MGAM2: variants seen among roughly 807,000 people sequenced by gnomAD.
The protein encoded by MGAM2 is probable maltase-glucoamylase 2.
MGAM2 carries 98 observed loss-of-function variants against 96.1 expected under a neutral mutation model. The observed-to-expected ratio is 1.02, with a 90% CI of 0.87 to 1.21. MGAM2 has a LOEUF of 1.21. Ranked by LOEUF, MGAM2 falls within the 50% of genes most tolerant of loss-of-function variation. MGAM2 has a pLI of 0.00. For synonymous variants in MGAM2, 749 were observed against 414.8 expected (o/e 1.81, Z -9.79); for missense variants, 2,055 against 1,182.4 (o/e 1.74, Z -10.82).
rs543638912 is a variant in MGAM2 at position 142,176,755 on chromosome 7, T to C, written c.3816+975T>C. Among the ~76,000 whole-genome samples, 27 of 152,292 alleles carry C rather than the reference T, an allele frequency of 1.8e-4. 1 individual carries two copies. In the South Asian group the frequency reaches 4.4e-3, roughly 25 times the overall value. ...TTGCTATTATACTCTGGAAACATGATAAATTGGCTCTCTCTGCTTGAGGAT... is the reference window on the plus strand; with the variant it reads ...TTGCTATTATACTCTGGAAACATGACAAATTGGCTCTCTCTGCTTGAGGAT... On this transcript the variant is annotated intron_variant, in intron 32 of 47. Coordinates refer to ENST00000477922, the MANE Select transcript of MGAM2 (RefSeq NM_001293626.2).
chr7:142,166,380 A>G (rs753536156), intron 25 of MGAM2, 127 bp downstream of exon 25: 8 of 546,786 alleles, frequency 1.5e-5, no homozygotes, highest in African/African-American at 1.3e-4. Flanking sequence ...CCAACTCTAC[A>G]TGATAGGTCA....
intron 37 of MGAM2, among the ~76,000 whole-genome samples, chr7:142,190,946 G>A (rs73158472): frequency 0.018 from 2,737 of 151,934 alleles, 40 homozygotes; most frequent in Non-Finnish European, 0.029. Context: ...GGCAGCTTGG[G>A]CAACATAATG....
At chr7:142,164,302 CTG>C (rs1251838543) in intron 23 of MGAM2, among the ~76,000 whole-genome samples, 3 of 152,164 alleles carry the variant, frequency 2.0e-5, no homozygotes, top group African/African-American at 7.2e-5. Flanking sequence ...ATTTAATTTT[CTG>C]TGTTTCAGTC....
chr7:142,158,312 A>C lies in MGAM2; in HGVS notation c.2143A>C (p.Ile715Leu). Reference sequence around the variant, plus strand: ...GTTCTTATGGGGACCTGGACTCCTCATCACGCCTGTTTTATATGAAGTATG... The same window carrying C: ...GTTCTTATGGGGACCTGGACTCCTCCTCACGCCTGTTTTATATGAAGTATG... ...EQFLWGPGLL[I>L]TPVLYEGVDE... Residue 715 changes from isoleucine (I) to leucine (L), a missense_variant, in exon 19 of 48, where the codon ATC (isoleucine) becomes CTC (leucine). Transcript: ENST00000477922. 3 of 702,988 alleles carry C rather than the reference A, an allele frequency of 4.3e-6. No individual in the cohort carries two copies. The South Asian group carries it at 4.4e-5, about 10-fold the overall frequency. The allele number at this position is 702,988 out of a possible 1,614,324, so 43.5% of individuals were successfully genotyped here.
At chr7:142,161,321 C>T (rs1795882420) in intron 22 of MGAM2, 108 bp downstream of exon 22, 2 of 556,486 alleles carry the variant, frequency 3.6e-6, no homozygotes, top group South Asian at 4.9e-5. Flanking sequence ...CTGTCGTTTA[C>T]ATCTGTAGCT....
rs777330007 is a variant in MGAM2, at chr7:142,221,076, A to G, written c.6565A>G (p.Thr2189Ala). Residue 2189 changes from threonine to alanine, a missense_variant, in exon 48 of 48, where the codon ACT (threonine) becomes GCT (alanine). Coordinates refer to ENST00000477922, the MANE Select transcript of MGAM2 (RefSeq NM_001293626.2). ...PVTAIPSLAN[T>A]GVDTTSNSFS... ...TACAGCTATTCCTTCTCTTGCAAATACTGGTGTTGACACTACTAGCAACAG... is the reference window on the plus strand; with the variant it reads ...TACAGCTATTCCTTCTCTTGCAAATGCTGGTGTTGACACTACTAGCAACAG... 1.4e-6 allele frequency: 1 copy of G among 702,556 alleles called. No homozygotes were observed. Among genetic ancestry groups the G allele is most frequent in the South Asian group, 1.5e-5 (1 of 67,582 alleles). 43.5% of individuals were successfully genotyped at this position (702,556 alleles called of 1,614,324 possible). A position where few individuals can be genotyped will look rare whatever the true frequency, so the allele number is the denominator to read the frequency against.
chr7:142,131,446 AC>A, intron 4 of MGAM2, 71 bp from the exon 5 acceptor site: 1 of 675,946 alleles, frequency 1.5e-6, no homozygotes. Context: ...CAAAACAAAA[AC>A]AAAAACAAAA....
intron 8 of MGAM2, among the ~76,000 whole-genome samples, chr7:142,137,224 A>C (rs558663798): frequency 2.0e-5 from 3 of 152,218 alleles, no homozygotes; most frequent in East Asian, 3.9e-4. Context: ...CTTAAAAAAA[A>C]AAAAACAAAA....
chr7:142,121,230 G>A (rs973952069), intron 3 of MGAM2, among the ~76,000 whole-genome samples: 5 of 152,006 alleles, frequency 3.3e-5, no homozygotes, highest in Non-Finnish European at 7.4e-5. Context: ...TGGCTGGAGT[G>A]CAGTGGCGCG....
At chr7:142,129,825 CAAAAAAAAAAAAAAAAAAAAAAAAAA>C (rs71166564) in intron 3 of MGAM2, among the ~76,000 whole-genome samples, 7 of 33,404 alleles carry the variant, frequency 2.1e-4, no homozygotes, top group African/African-American at 4.3e-4. Context: ...AACTCTGTCT[CAAAAAAAAAAAAAAAAAAAAAAAAAA>C]AAAAAAAAAA....
At chr7:142,134,197 C>A in intron 7 of MGAM2, 45 bp downstream of exon 7, 2 of 683,134 alleles carry the variant, frequency 2.9e-6, no homozygotes, top group South Asian at 3.1e-5. Flanking sequence ...TAAGGGATAC[C>A]CTCCTTCCTT....
rs139311007 is a variant in MGAM2, at chr7:142,161,943, T to C, written c.2435-12T>C. ...CTTCCCATAGTAACCGGTACTCCTC[T>C]TTCTTTTTTAGATGCTGTGACTGAA... On this transcript the variant is annotated splice_polypyrimidine_tract_variant and intron_variant, in intron 22 of 47. Transcript: ENST00000477922. 2.9e-5 allele frequency: 20 copies of C among 692,446 alleles called. No individual in the cohort carries two copies. Among genetic ancestry groups the C allele is most frequent in the Non-Finnish European group, 5.0e-5 (19 of 381,168 alleles). 42.9% of individuals were successfully genotyped at this position (692,446 alleles called of 1,614,324 possible). A position where few individuals can be genotyped will look rare whatever the true frequency, so the allele number is the denominator to read the frequency against.
chr7:142,195,143 T>C (rs1264904953), intron 37 of MGAM2, among the ~76,000 whole-genome samples: 5 of 152,164 alleles, frequency 3.3e-5, no homozygotes, highest in South Asian at 2.1e-4. Flanking sequence ...ATTCTTTTTT[T>C]CCCTCTTCCC....
Position 142,144,614 on chromosome 7 carries a change from A to G in MGAM2, c.1432-247A>G, listed in dbSNP as rs73545362. The stretch of plus-strand genomic sequence containing the variant: ...AATTAGCTGATTGAAATCAATTTAT[A>G]AAAAGTAAAAATGTGCCCACTGTCA... On this transcript the variant is annotated intron_variant, in intron 13 of 47. Coordinates refer to ENST00000477922, the MANE Select transcript of MGAM2 (RefSeq NM_001293626.2). Among the ~76,000 whole-genome samples, 1,123 of 152,320 alleles carry G rather than the reference A, an allele frequency of 7.4e-3. 14 individuals are homozygous for G. The highest frequency in any genetic ancestry group is 0.022 in the African/African-American group (919 of 41,562).
At chr7:142,208,759 G>A (rs1797487843) in intron 46 of MGAM2, 137 bp downstream of exon 46, 1 of 567,700 alleles carries the variant, frequency 1.8e-6, no homozygotes, top group African/African-American at 1.9e-5. Context: ...ATCCAGGTCT[G>A]TTGTCATTAA....
At chr7:142,113,868 A>G (rs887235144) in intron 1 of MGAM2, among the ~76,000 whole-genome samples, 1 of 152,166 alleles carries the variant, frequency 6.6e-6, no homozygotes, top group African/African-American at 2.4e-5. Flanking sequence ...GTGGTGCCTC[A>G]CGCAGGTAAT....
intron 32 of MGAM2, among the ~76,000 whole-genome samples, chr7:142,181,714 C>A (rs908584007): frequency 7.2e-5 from 11 of 152,196 alleles, no homozygotes; most frequent in African/African-American, 2.2e-4. Flanking sequence ...TTGGCAGAGT[C>A]AGAGTGGGTT....
chr7:142,173,212 T>C lies in MGAM2; in HGVS notation c.3562-17T>C, dbSNP rs1033964860. 1.1e-5 allele frequency: 8 copies of C among 702,520 alleles called. No individual in the cohort carries two copies. In the African/African-American group the frequency reaches 1.4e-4, roughly 12 times the overall value. The allele number at this position is 702,520 out of a possible 1,614,324, so 43.5% of individuals were successfully genotyped here. A position where few individuals can be genotyped will look rare whatever the true frequency, so the allele number is the denominator to read the frequency against. On this transcript the variant is annotated splice_polypyrimidine_tract_variant and intron_variant, in intron 30 of 47. Coordinates refer to ENST00000477922, the MANE Select transcript of MGAM2 (RefSeq NM_001293626.2). ...CCCTAAGAAATCTTTCTGGATGCATTTTTCTTTTTATTCTAGTTGATTGGT... is the reference window on the plus strand; with the variant it reads ...CCCTAAGAAATCTTTCTGGATGCATCTTTCTTTTTATTCTAGTTGATTGGT...
chr7:142,164,801 A>T (rs1467859808), intron 23 of MGAM2, 55 bp from the exon 24 acceptor site: 5 of 605,192 alleles, frequency 8.3e-6, no homozygotes, highest in Non-Finnish European at 1.5e-5. Flanking sequence ...GTATTTGGGG[A>T]TAATAAGGGT....
Sources: allele counts gnomAD v4.1 joint callset (sites outside exome capture counted in the v4.1 genomes callset), GRCh38; gene constraint gnomAD v4.1.1; transcripts MANE v1.5; gene names NCBI Gene and HGNC (gene_info 2026-07-23, HGNC 2026-07-21).